Variants in ZFAT observed in about 807,000 individuals in gnomAD.
ZFAT encodes the protein zinc finger protein ZFAT.
Under a neutral mutation model 117.7 loss-of-function variants are expected in ZFAT, and 64 were observed. That is an observed-to-expected ratio of 0.54 (90% CI 0.44 to 0.67). The LOEUF is 0.67. Ranked by LOEUF, ZFAT falls within the 30% of genes least tolerant of loss-of-function variation. The pLI is 0.00. For synonymous variants in ZFAT, 679 were observed against 615.0 expected, an observed-to-expected ratio of 1.10 and a Z score of -1.54; for missense variants, 1,433 against 1,584.5, an observed-to-expected ratio of 0.90 and a Z score of 1.62.
the ZFAT span, among the ~76,000 whole-genome samples, chr8:134,726,099 A>G: frequency 1.3e-5 from 2 of 152,170 alleles, no homozygotes; most frequent in East Asian, 3.9e-4. Context: ...GGAATTGTTA[A>G]CAGTGGGGAA....
chr8:134,600,176 T>A, intron 7 of ZFAT: 1 of 525,256 alleles, frequency 1.9e-6, no homozygotes, highest in East Asian at 3.4e-5. Context: ...AGATATCTCT[T>A]CTGTAGACTT....
At chr8:134,816,652 C>T in the ZFAT span, among the ~76,000 whole-genome samples, 1 of 151,974 alleles carries the variant, frequency 6.6e-6, no homozygotes, top group Non-Finnish European at 1.5e-5. Flanking sequence ...TTTTAAAAAG[C>T]AATAGTGAAC....
At chr8:134,764,546 G>A in the ZFAT span, among the ~76,000 whole-genome samples, 1 of 152,136 alleles carries the variant, frequency 6.6e-6, no homozygotes, top group African/African-American at 2.4e-5. Context: ...TTAGATAAAC[G>A]TGTAAACTTT....
chr8:134,583,576 C>A (rs115798955), intron 10 of ZFAT, among the ~76,000 whole-genome samples: 165 of 152,248 alleles, frequency 1.1e-3, no homozygotes, highest in African/African-American at 3.8e-3. Context: ...TTTCCTGAAG[C>A]AGCTTCCCTC....
At chr8:134,826,020 C>CA in the ZFAT span, among the ~76,000 whole-genome samples, 21,936 of 87,466 alleles carry the variant, frequency 0.25, 2,010 homozygotes, top group African/African-American at 0.37. Flanking sequence ...GACTCTGTCT[C>CA]AAAAAAAAAA....
At chr8:134,604,758 T>C (rs1425594545) in intron 5 of ZFAT, among the ~76,000 whole-genome samples, 1 of 152,198 alleles carries the variant, frequency 6.6e-6, no homozygotes, top group Admixed American at 6.5e-5. Context: ...TACCAGAGGG[T>C]ACAATCCACA....
chr8:134,564,077 A>T (rs561100959), intron 11 of ZFAT, among the ~76,000 whole-genome samples: 11 of 151,748 alleles, frequency 7.2e-5, no homozygotes, highest in Non-Finnish European at 1.5e-4. Flanking sequence ...ATCGCTTGAA[A>T]CCAGGAGACA....
chr8:134,665,757 G>T (rs111790585), intron 1 of ZFAT, among the ~76,000 whole-genome samples: 142 of 152,230 alleles, frequency 9.3e-4, no homozygotes, highest in African/African-American at 3.3e-3. Flanking sequence ...GAGATGGACA[G>T]GAGAAGGGGG....
At chr8:134,528,041 A>G (rs944838792) in intron 12 of ZFAT, among the ~76,000 whole-genome samples, 2 of 152,216 alleles carry the variant, frequency 1.3e-5, no homozygotes, top group African/African-American at 4.8e-5. Context: ...CTACCAGCAA[A>G]TGTGGCCCAA....
rs367958760 is a variant in ZFAT, at chr8:134,679,806, G to A, written c.20-22069C>T. 3.9e-5 allele frequency among the ~76,000 whole-genome samples: 6 copies of A among 152,166 alleles called. No homozygotes were observed. The East Asian group carries it at 5.8e-4, about 15-fold the overall frequency. ...CTTTGCAGGGACACGGATGAAGCTG[G>A]AAACCATCATTCTCAGCAAACTAAC... On this transcript the variant is annotated intron_variant, in intron 1 of 15. Coordinates refer to ENST00000377838, the MANE Select transcript of ZFAT (RefSeq NM_020863.4).
In ZFAT at chr8:134,602,245, T is replaced by C. The variant is rs753023302; in HGVS notation, c.1474A>G (p.Ser492Gly). Residue 492 changes from serine to glycine, a missense_variant, in exon 6 of 16, where the codon AGT becomes GGT. Ser to Gly is a moderately conservative substitution (Grantham distance 56). Coordinates refer to ENST00000377838, the MANE Select transcript of ZFAT (RefSeq NM_020863.4). ...GAAQEALVFT[S>G]SINQSFCLLE... Reference sequence around the variant, plus strand: ...AGGCAGAAGCTCTGGTTGATGGAACTGGTGAAGACCAAGGCCTCCTGGGCA... The same window carrying C: ...AGGCAGAAGCTCTGGTTGATGGAACCGGTGAAGACCAAGGCCTCCTGGGCA... 4 of 1,613,620 alleles carry C rather than the reference T, an allele frequency of 2.5e-6. No individual in the cohort carries two copies. The South Asian group carries it at 4.4e-5, about 18-fold the overall frequency.
At chr8:134,740,732 C>T in the ZFAT span, among the ~76,000 whole-genome samples, 111 of 152,304 alleles carry the variant, frequency 7.3e-4, no homozygotes, top group Non-Finnish European at 1.3e-3. Flanking sequence ...TGGCCTCCAG[C>T]TTGCCAAAGA....
chr8:134,519,150 G>T (rs1478394791), intron 13 of ZFAT, among the ~76,000 whole-genome samples: 1 of 152,008 alleles, frequency 6.6e-6, no homozygotes, highest in African/African-American at 2.4e-5. Flanking sequence ...ATTAGCTCCA[G>T]AAAAAATCTA....
the ZFAT span, among the ~76,000 whole-genome samples, chr8:134,763,357 T>C: frequency 1.3e-5 from 2 of 152,184 alleles, no homozygotes; most frequent in Admixed American, 6.5e-5. Context: ...AGTTTATTAC[T>C]ACCTTCGAGC....
the ZFAT span, among the ~76,000 whole-genome samples, chr8:134,721,580 T>C: frequency 1.3e-5 from 2 of 152,142 alleles, no homozygotes; most frequent in African/African-American, 4.8e-5. Context: ...TGCCAAGCCT[T>C]CTTACAACTC....
the ZFAT span, among the ~76,000 whole-genome samples, chr8:134,817,011 A>C: frequency 1.3e-5 from 2 of 152,092 alleles, no homozygotes; most frequent in African/African-American, 4.8e-5. Flanking sequence ...TACCATTTAC[A>C]AAAGTATTTT....
chr8:134,505,654 C>T (rs1819352302), intron 15 of ZFAT, among the ~76,000 whole-genome samples: 1 of 152,046 alleles, frequency 6.6e-6, no homozygotes, highest in African/African-American at 2.4e-5. Flanking sequence ...CCTTAGCCTG[C>T]CGTTGCTGGC....
the ZFAT span, among the ~76,000 whole-genome samples, chr8:134,782,742 AG>A: frequency 1.3e-5 from 2 of 152,002 alleles, no homozygotes; most frequent in African/African-American, 2.4e-5. Context: ...CATGATTATG[AG>A]GCCTCCCCAG....
the ZFAT span, among the ~76,000 whole-genome samples, chr8:134,747,666 G>C: frequency 1.3e-5 from 2 of 152,134 alleles, no homozygotes; most frequent in African/African-American, 4.8e-5. Flanking sequence ...AACAAATTTA[G>C]GTAAATCATG....
Sources: gnomAD v4.1 joint callset for allele counts (sites outside exome capture counted in the v4.1 genomes callset) on GRCh38, gnomAD v4.1.1 for gene constraint, MANE v1.5 for transcripts, NCBI Gene and HGNC (gene_info 2026-07-23, HGNC 2026-07-21) for gene names.